DNASE1L3: variants seen among roughly 807,000 people sequenced by gnomAD.
The protein encoded by DNASE1L3 is deoxyribonuclease gamma.
DNASE1L3 carries 27 observed loss-of-function variants against 30.9 expected under a neutral mutation model. The observed-to-expected ratio is 0.87, with a 90% CI of 0.64 to 1.20. The LOEUF (loss-of-function observed/expected upper bound fraction) is 1.20. DNASE1L3 is among the 50% of genes most tolerant of loss of function. The pLI, the probability that DNASE1L3 is intolerant of heterozygous loss-of-function variation, is 0.00. For synonymous variants in DNASE1L3, 135 were observed against 138.0 expected (o/e 0.98, Z 0.15); for missense variants, 364 against 378.2 (o/e 0.96, Z 0.31).
rs756980565 is a variant in DNASE1L3 at position 58,204,762 on chromosome 3, G to A, written c.433+7C>T. The A allele has an allele frequency of 4.3e-6, 7 of 1,613,328 alleles. No homozygotes were observed. In the African/African-American group the frequency reaches 6.7e-5, roughly 15 times the overall value. Reference sequence around the variant, plus strand: ...GTCCCAGACAGAAAGGCCTGTGTGGGTCTTACCAGTGTGGGGAGATTGGAA... The same window carrying A: ...GTCCCAGACAGAAAGGCCTGTGTGGATCTTACCAGTGTGGGGAGATTGGAA... On this transcript the variant is annotated splice_region_variant and intron_variant, in intron 4 of 7. Coordinates refer to ENST00000394549, the MANE Select transcript of DNASE1L3 (RefSeq NM_004944.4).
Position 58,197,836 on chromosome 3 carries a change from T to C in DNASE1L3, c.689A>G (p.Asn230Ser), listed in dbSNP as rs536813039. The change falls in exon 6 of 8, where the codon AAC (asparagine) becomes AGC (serine). Residue 230 changes from asparagine (N) to serine (S), a missense_variant. Coordinates refer to ENST00000394549, the MANE Select transcript of DNASE1L3 (RefSeq NM_004944.4). This position sits in a 1 kb window ranked among gnomAD's most constrained non-coding sequence, Gnocchi z 5.3. ...QEDTTVKKSTNCAYDRIVLRG... is the reference protein window; with the variant it reads ...QEDTTVKKSTSCAYDRIVLRG... The stretch of plus-strand genomic sequence containing the variant: ...GGCCTCCTACCTGTCATATGCACAG[T>C]TGGTGCTCTTCTTCACCGTGGTGTC... 4 of 1,614,054 alleles carry C rather than the reference T, an allele frequency of 2.5e-6. No homozygotes were observed. Among genetic ancestry groups the C allele is most frequent in the East Asian group, 2.2e-5 (1 of 44,890 alleles).
At chr3:58,205,032 C>A (rs995270172) in intron 3 of DNASE1L3, 151 bp from the exon 4 acceptor site, 10 of 685,602 alleles carry the variant, frequency 1.5e-5, no homozygotes, top group Admixed American at 5.7e-5. Flanking sequence ...TAAGTCAACT[C>A]TTCTCAACAG....
At chr3:58,196,414 G>A (rs79173494) in intron 6 of DNASE1L3, among the ~76,000 whole-genome samples, 6 of 151,438 alleles carry the variant, frequency 4.0e-5, no homozygotes, top group Non-Finnish European at 7.4e-5. Context: ...TTAGCCAGGC[G>A]TGGTGGCGGG....
At chr3:58,204,948 A>G in intron 3 of DNASE1L3, 67 bp from the exon 4 acceptor site, 1 of 1,455,366 alleles carries the variant, frequency 6.9e-7, no homozygotes. Flanking sequence ...CATGAAGCAG[A>G]GATGTAGGTT....
chr3:58,195,722 G>T (rs2097396835), intron 6 of DNASE1L3, among the ~76,000 whole-genome samples: 2 of 151,352 alleles, frequency 1.3e-5, no homozygotes, highest in South Asian at 2.1e-4. Flanking sequence ...GGAGGCGGAG[G>T]TTGCAGTGAG....
At chr3:58,194,805 T>G (rs1020484418) in intron 6 of DNASE1L3, among the ~76,000 whole-genome samples, 2 of 151,776 alleles carry the variant, frequency 1.3e-5, no homozygotes, top group African/African-American at 2.4e-5. Flanking sequence ...TTTTTTGTAT[T>G]TTTTAGTAGA....
intron 3 of DNASE1L3, 111 bp from the exon 4 acceptor site, chr3:58,204,992 A>AGCACAGGATG: frequency 1.0e-6 from 1 of 961,064 alleles, no homozygotes; most frequent in South Asian, 1.6e-5. Context: ...AGCAGGCTCA[A>AGCACAGGATG]GCACAGGATC....
chr3:58,199,863 T>A (rs1325058727), intron 5 of DNASE1L3, among the ~76,000 whole-genome samples: 3 of 152,200 alleles, frequency 2.0e-5, no homozygotes, highest in African/African-American at 7.2e-5. Context: ...TAATAAGCAA[T>A]GAAATACACC....
intron 6 of DNASE1L3, among the ~76,000 whole-genome samples, chr3:58,196,746 C>T (rs575973308): frequency 2.0e-5 from 3 of 152,168 alleles, no homozygotes; most frequent in South Asian, 2.1e-4. Flanking sequence ...AACATTCACA[C>T]GCCTCAGGCA....
At chr3:58,206,071 A>G (rs1388798503) in intron 2 of DNASE1L3, among the ~76,000 whole-genome samples, 1 of 152,210 alleles carries the variant, frequency 6.6e-6, no homozygotes, top group Non-Finnish European at 1.5e-5. Flanking sequence ...GAAAGCCATC[A>G]GGCATTTTTT....
chr3:58,198,754 T>A (rs2097398868), intron 5 of DNASE1L3, among the ~76,000 whole-genome samples: 1 of 152,172 alleles, frequency 6.6e-6, no homozygotes, highest in African/African-American at 2.4e-5. Flanking sequence ...ATCAACGCCT[T>A]TTGCTTTCAA....
At chr3:58,206,977 C>T (rs553588734) in intron 2 of DNASE1L3, among the ~76,000 whole-genome samples, 2 of 152,266 alleles carry the variant, frequency 1.3e-5, no homozygotes, top group South Asian at 2.1e-4. Context: ...GATGGATAAG[C>T]CCAGAGCCTG....
At position 58,192,870 on chromosome 3, in the gene DNASE1L3, G is replaced by A. The variant is rs1186528272; in HGVS notation, c.802-67C>T. 6.9e-6 allele frequency: 11 copies of A among 1,586,282 alleles called. No homozygotes were observed. Among genetic ancestry groups the A allele is most frequent in the East Asian group, 2.2e-5 (1 of 44,642 alleles). On this transcript the variant is annotated intron_variant, in intron 7 of 7. Transcript: ENST00000394549. This position sits in a 1 kb window ranked among gnomAD's most constrained non-coding sequence, Gnocchi z 4.8. Reference sequence around the variant, plus strand: ...GCCTGGGAGATGCTTTCATTTTAGCGATGAGCAAATTTAGGACCAGGGAGG... The same window carrying A: ...GCCTGGGAGATGCTTTCATTTTAGCAATGAGCAAATTTAGGACCAGGGAGG...
At chr3:58,201,192 C>T in intron 4 of DNASE1L3, 83 bp from the exon 5 acceptor site, 1 of 1,037,676 alleles carries the variant, frequency 9.6e-7, no homozygotes, top group East Asian at 2.6e-5. Flanking sequence ...CCAGCTGTCC[C>T]CTCCAGAAGG....
intron 6 of DNASE1L3, among the ~76,000 whole-genome samples, chr3:58,194,251 G>A (rs2097395828): frequency 6.6e-6 from 1 of 151,158 alleles, no homozygotes. Flanking sequence ...TGACCAGTGG[G>A]CCTTCCCCAT....
chr3:58,206,558 T>C (rs1367857922), intron 2 of DNASE1L3, among the ~76,000 whole-genome samples: 1 of 152,208 alleles, frequency 6.6e-6, no homozygotes, highest in Non-Finnish European at 1.5e-5. Context: ...AGGCCCATCC[T>C]GGCTTGTGGG....
chr3:58,209,371 G>C (rs1350643320), intron 1 of DNASE1L3, among the ~76,000 whole-genome samples: 1 of 152,210 alleles, frequency 6.6e-6, no homozygotes, highest in Non-Finnish European at 1.5e-5. Flanking sequence ...AAGGAGATGG[G>C]AACTCAGTGG....
intron 4 of DNASE1L3, among the ~76,000 whole-genome samples, chr3:58,201,395 C>T (rs1401006612): frequency 6.6e-6 from 1 of 152,244 alleles, no homozygotes; most frequent in East Asian, 1.9e-4. Flanking sequence ...CAAAGTTTCC[C>T]TTCTTATTAA....
At chr3:58,193,943 T>TA in intron 6 of DNASE1L3, among the ~76,000 whole-genome samples, 1 of 152,324 alleles carries the variant, frequency 6.6e-6, no homozygotes, top group South Asian at 2.1e-4. Flanking sequence ...TCACTGGACT[T>TA]AATTTTTACG....
Sources: gnomAD v4.1 joint callset for allele counts (sites outside exome capture counted in the v4.1 genomes callset) on GRCh38, gnomAD v4.1.1 for gene constraint, Gnocchi (gnomAD v3.1) non-coding constraint, MANE v1.5 for transcripts, NCBI Gene and HGNC (gene_info 2026-07-23, HGNC 2026-07-21) for gene names.